ZNF335: variants seen among roughly 807,000 people sequenced by gnomAD.
The protein encoded by ZNF335 is zinc finger protein 335, also known as NRC-interacting factor 1.
Under a neutral mutation model 145.6 loss-of-function variants are expected in ZNF335, and 84 were observed. That is an observed-to-expected ratio of 0.58 (90% CI 0.48 to 0.69). ZNF335 has a LOEUF of 0.69. ZNF335 is among the 30% of genes least tolerant of loss of function. The pLI, the probability that ZNF335 is intolerant of heterozygous loss-of-function variation, is 0.00. For synonymous variants in ZNF335, 761 were observed against 717.0 expected (o/e 1.06, Z -0.98); for missense variants, 1,865 against 1,809.7 (o/e 1.03, Z -0.55).
At chr20:45,957,719 A>T (rs1229417025) in intron 16 of ZNF335, 39 bp from the exon 17 acceptor site, 5 of 1,611,730 alleles carry the variant, frequency 3.1e-6, no homozygotes, top group Non-Finnish European at 4.2e-6. Context: ...AAGTGCTAGA[A>T]AACTGGCACC....
At position 45,963,609 on chromosome 20, in the gene ZNF335, A is replaced by T; in HGVS notation, c.1397T>A (p.Leu466Gln). The change falls in exon 9 of 28, where the codon CTG becomes CAG. Residue 466 changes from leucine (L) to glutamine (Q), a missense_variant. Physicochemically the swap from Leu to Gln is moderately radical, Grantham distance 113. Transcript: ENST00000322927. ...KSPKPLLRPFLCRICGSRFLS... is the reference protein window; with the variant it reads ...KSPKPLLRPFQCRICGSRFLS... ...AAAGCGAGAACCACAGATGCGGCAC[A>T]GGAAGGGCCTCAAAAGTGGTTTGGG... is the stretch of plus-strand genomic sequence containing the variant. The T allele has an allele frequency of 6.2e-7, 1 of 1,614,260 alleles. No homozygotes were observed. The highest frequency in any genetic ancestry group is 8.5e-7 in the Non-Finnish European group (1 of 1,180,048).
At position 45,957,627 on chromosome 20, in the gene ZNF335, T is replaced by C. The variant is rs1568814461; in HGVS notation, c.2401A>G (p.Asn801Asp). The stretch of plus-strand genomic sequence containing the variant: ...CCCAGTTCCCGCTGAGCACTCATGT[T>C]CAGCAGAAGATCCAAGGCTGTCTGC... ...ATQTALDLLLNMSAQRELGGT... is the reference protein window; with the variant it reads ...ATQTALDLLLDMSAQRELGGT... The change falls in exon 17 of 28, where the codon AAC (asparagine) becomes GAC (aspartate). Residue 801 changes from asparagine (N) to aspartate (D), a missense_variant. By Grantham distance (23) the Asn-to-Asp change is conservative. Coordinates refer to ENST00000322927, the MANE Select transcript of ZNF335 (RefSeq NM_022095.4). The C allele has an allele frequency of 6.2e-7, 1 of 1,614,180 alleles. No individual in the cohort carries two copies. The highest frequency in any genetic ancestry group is 1.1e-5 in the South Asian group (1 of 91,090).
Position 45,952,532 on chromosome 20 carries a change from A to T in ZNF335, c.2815-11T>A. On this transcript the variant is annotated splice_polypyrimidine_tract_variant and intron_variant, in intron 19 of 27. Transcript: ENST00000322927. ...GCCATCTGCGGTGAGCTGTAGAGAGACAGGGAGCATGAGGTACTGAGAAGG... is the reference window on the plus strand; with the variant it reads ...GCCATCTGCGGTGAGCTGTAGAGAGTCAGGGAGCATGAGGTACTGAGAAGG... 6.3e-7 allele frequency: 1 copy of T among 1,599,228 alleles called. No individual in the cohort carries two copies. The highest frequency in any genetic ancestry group is 8.5e-7 in the Non-Finnish European group (1 of 1,170,606).
At chr20:45,966,252 G>A (rs555912804) in intron 6 of ZNF335, among the ~76,000 whole-genome samples, 1 of 146,690 alleles carries the variant, frequency 6.8e-6, no homozygotes, top group Non-Finnish European at 1.5e-5. Context: ...TTTTTTTTTT[G>A]GTATTTTAGT....
intron 17 of ZNF335, 43 bp from the exon 18 acceptor site, chr20:45,953,991 G>C: frequency 2.0e-6 from 3 of 1,535,114 alleles, no homozygotes; most frequent in Non-Finnish European, 2.6e-6. Flanking sequence ...ACTGGTGGCA[G>C]AGGAGCGGGT....
chr20:45,949,587 G>A lies in ZNF335; in HGVS notation c.3670-19C>T, dbSNP rs752170069. 6.3e-7 allele frequency: 1 copy of A among 1,597,520 alleles called. No individual in the cohort carries two copies. The stretch of plus-strand genomic sequence containing the variant: ...ACTGCACCTGTTGGTGGGGGGGGCG[G>A]GCATGGCGAGGCAGGTGCTGAGGCC... On this transcript the variant is annotated intron_variant, in intron 24 of 27. Coordinates refer to ENST00000322927, the MANE Select transcript of ZNF335 (RefSeq NM_022095.4).
Position 45,948,986 on chromosome 20 carries a change from G to T in ZNF335, c.3996C>A (p.Ile1332=), listed in dbSNP as rs775842417. ...CGGCCAGGGTGATGACGTCGTACTC[G>T]ATGCCCTGGTGCTGCAGCTGTTGAA... ...EHIQQLQHQG[I]EYDVITLADD Residue 1332 remains isoleucine, a synonymous_variant, in exon 28 of 28, where the codon ATC becomes ATA. Transcript: ENST00000322927. 2 of 1,613,828 alleles carry T rather than the reference G, an allele frequency of 1.2e-6. No individual in the cohort carries two copies. The highest frequency in any genetic ancestry group is 2.7e-5 in the African/African-American group (2 of 74,930).
rs1333059325 is a variant in ZNF335, at chr20:45,971,372, G to A, written c.39C>T (p.Ala13=). The A allele has an allele frequency of 1.9e-6, 3 of 1,600,490 alleles. No individual in the cohort carries two copies. The highest frequency in any genetic ancestry group is 1.3e-5 in the African/African-American group (1 of 74,930). Residue 13 remains alanine (A), a synonymous_variant, in exon 2 of 28, where the codon GCC becomes GCT. Transcript: ENST00000322927. ...GCTCCTCGGGCCGGCCAGGCCCAGG[G>A]GCCGCGTCGCTGCTGCTCTCCACCT... ...ENEVESSSDA[A]PGPGRPEEPS... is the part of the protein sequence containing the mutation.
Position 45,967,887 on chromosome 20 carries a change from G to C in ZNF335, c.661C>G (p.Pro221Ala), listed in dbSNP as rs2083988736. Residue 221 changes from proline to alanine, a missense_variant, in exon 5 of 28, where the codon CCA (proline) becomes GCA (alanine). Physicochemically the swap from Pro to Ala is conservative, Grantham distance 27. Transcript: ENST00000322927. ...GGPSSPVQLPPASGAEEPDLQ... is the reference protein window; with the variant it reads ...GGPSSPVQLPAASGAEEPDLQ... ...TCCGGCTCTTCGGCACCGGAGGCTG[G>C]GGGCAGCTGCACCGGGGAGCTGGGC... The C allele has an allele frequency of 1.9e-6, 3 of 1,612,516 alleles. No homozygotes were observed. Among genetic ancestry groups the C allele is most frequent in the Non-Finnish European group, 2.5e-6 (3 of 1,179,622 alleles).
Position 45,955,350 on chromosome 20 carries a change from CAA to C in ZNF335, c.2443-1404_2443-1403del, listed in dbSNP as rs61555698. ...TGGGCAACAGAGCAAGACTCTGTCT[CAA>C]AAAAAAAAAAAAAAAAAAGATTTAT... On this transcript the variant is annotated intron_variant, in intron 17 of 27. Transcript: ENST00000322927. Among the ~76,000 whole-genome samples, 356 of 37,318 alleles carry C rather than the reference CAA, an allele frequency of 9.5e-3. 7 individuals carry two copies. The highest frequency in any genetic ancestry group is 0.036 in the African/African-American group (304 of 8,544). 24.5% of individuals were successfully genotyped at this position (37,318 alleles called of 152,430 possible).
chr20:45,957,521 G>A lies in ZNF335; in HGVS notation c.2442+65C>T, dbSNP rs538461823. ...GATACACTGTTTTCCTCTAGTCCCAGTGTCCAGTGCAGGGCTGGGTACCTG... is the reference window on the plus strand; with the variant it reads ...GATACACTGTTTTCCTCTAGTCCCAATGTCCAGTGCAGGGCTGGGTACCTG... On this transcript the variant is annotated intron_variant, in intron 17 of 27. Transcript: ENST00000322927. 477 of 1,477,416 alleles carry A rather than the reference G, an allele frequency of 3.2e-4. 6 individuals are homozygous for A. The South Asian group carries it at 5.2e-3, about 16-fold the overall frequency. 91.5% of individuals were successfully genotyped at this position (1,477,416 alleles called of 1,614,324 possible).
chr20:45,948,843 G>A lies in ZNF335; in HGVS notation c.*110C>T. 1 of 1,536,930 alleles carries A rather than the reference G, an allele frequency of 6.5e-7. No individual in the cohort carries two copies. The highest frequency in any genetic ancestry group is 8.9e-7 in the Non-Finnish European group (1 of 1,126,610). On this transcript the variant is annotated 3_prime_UTR_variant, in exon 28 of 28. Coordinates refer to ENST00000322927, the MANE Select transcript of ZNF335 (RefSeq NM_022095.4). Reference sequence around the variant, plus strand: ...GGCTCCCTGGGAATGAGAGGATGCTGGCTATCCAGTATCTGGAGATCCTAA... The same window carrying A: ...GGCTCCCTGGGAATGAGAGGATGCTAGCTATCCAGTATCTGGAGATCCTAA...
intron 1 of ZNF335, 85 bp downstream of exon 1, chr20:45,972,037 G>T (rs1320086261): frequency 1.6e-6 from 2 of 1,249,466 alleles, no homozygotes; most frequent in Non-Finnish European, 2.1e-6. Context: ...CGCCGGCCTG[G>T]GACCTCGCCT....
rs1568813469 is a variant in ZNF335 at position 45,956,999 on chromosome 20, A to ACACT, written c.2442+583_2442+586dup. Among the ~76,000 whole-genome samples the ACACT allele has an allele frequency of 3.9e-5, 6 of 152,252 alleles. No homozygotes were observed. The South Asian group carries it at 1.0e-3, about 26-fold the overall frequency. On this transcript the variant is annotated intron_variant, in intron 17 of 27. Coordinates refer to ENST00000322927, the MANE Select transcript of ZNF335 (RefSeq NM_022095.4). ...TTCTGGAATTCATCATCTTAAAAAC[A>ACACT]CACTCTCCATCTTCTCATGAGGCTG...
rs1568822452 is a variant in ZNF335, at chr20:45,963,643, A to G, written c.1363T>C (p.Tyr455His). ...FLGKKYRKYY[Y>H]KSPKPLLRPF... ...CTCAAAAGTGGTTTGGGCGACTTGT[A>G]ATAGTACCTGCAGGATGAGAGTGTG... Residue 455 changes from tyrosine to histidine, a missense_variant, in exon 9 of 28, where the codon TAC (tyrosine) becomes CAC (histidine). Coordinates refer to ENST00000322927, the MANE Select transcript of ZNF335 (RefSeq NM_022095.4). 1.1e-5 allele frequency: 17 copies of G among 1,614,166 alleles called. No homozygotes were observed. The highest frequency in any genetic ancestry group is 1.4e-5 in the Non-Finnish European group (16 of 1,180,000).
intron 10 of ZNF335, 53 bp downstream of exon 10, chr20:45,962,017 T>TGCCCCC: frequency 8.3e-7 from 1 of 1,207,414 alleles, no homozygotes. Flanking sequence ...GGCCTCCACT[T>TGCCCCC]CCCCACCCAA....
rs1339235429 is a variant in ZNF335 at position 45,960,338 on chromosome 20, A to G, written c.1890T>C (p.Cys630=). The change falls in exon 14 of 28, where the codon TGT becomes TGC. Residue 630 remains cysteine, a synonymous_variant. Transcript: ENST00000322927. ...RFKCEFCEFV[C]EDKKALLNHQ... The stretch of plus-strand genomic sequence containing the variant: ...GGTTCAGCAGTGCCTTCTTGTCTTC[A>G]CAAACAAACTCACAGAACTCACACT... 1.9e-6 allele frequency: 3 copies of G among 1,614,166 alleles called. No homozygotes were observed. Among genetic ancestry groups the G allele is most frequent in the Non-Finnish European group, 2.5e-6 (3 of 1,180,018 alleles).
At chr20:45,956,408 A>G (rs1432283946) in intron 17 of ZNF335, among the ~76,000 whole-genome samples, 2 of 151,752 alleles carry the variant, frequency 1.3e-5, no homozygotes, top group Non-Finnish European at 2.9e-5. Context: ...TTGTATTTTT[A>G]GTAGCAATGG....
rs1461900938 is a variant in ZNF335, at chr20:45,967,612, AGCT to A, written c.834_836del (p.Ala279del). The A allele has an allele frequency of 6.2e-7, 1 of 1,613,808 alleles. No individual in the cohort carries two copies. Among genetic ancestry groups the A allele is most frequent in the Non-Finnish European group, 8.5e-7 (1 of 1,180,012 alleles). On this transcript the variant is annotated inframe_deletion, in exon 6 of 28. Coordinates refer to ENST00000322927, the MANE Select transcript of ZNF335 (RefSeq NM_022095.4). ...ACTTCCGTAGACGTCCTTTTTTACC[AGCT>A]GCTGCTGCGGCTGCTGCTACTGGAA...
Sources: allele counts gnomAD v4.1 joint callset (sites outside exome capture counted in the v4.1 genomes callset), GRCh38; gene constraint gnomAD v4.1.1; transcripts MANE v1.5; gene names NCBI Gene and HGNC (gene_info 2026-07-23, HGNC 2026-07-21).